The following FBXL5 variants were observed in gnomAD, a reference collection of about 807,000 sequenced individuals.
The protein encoded by FBXL5 is F-box/LRR-repeat protein 5.
A neutral mutation model predicts 78.3 loss-of-function variants in FBXL5; 26 were observed. The ratio of observed to expected loss-of-function variants is 0.33; its 90% CI spans 0.24 to 0.46. The LOEUF (loss-of-function observed/expected upper bound fraction) is 0.46, where lower values mean the gene tolerates loss of function less well. Among genes scored for constraint, FBXL5 ranks in the 20% least tolerant of loss-of-function variants. The pLI is 1.00. For synonymous variants in FBXL5, 295 were observed against 282.5 expected (o/e 1.04, Z -0.45); for missense variants, 710 against 829.2 (o/e 0.86, Z 1.77).
intron 1 of FBXL5, among the ~76,000 whole-genome samples, chr4:15,678,527 G>T (rs558674666): frequency 6.6e-6 from 1 of 152,112 alleles, no homozygotes; most frequent in Admixed American, 6.5e-5. Flanking sequence ...TCATGCATAG[G>T]TATACTAAAT....
intron 5 of FBXL5, among the ~76,000 whole-genome samples, chr4:15,633,772 T>C (rs1245199193): frequency 6.6e-6 from 1 of 152,162 alleles, no homozygotes; most frequent in African/African-American, 2.4e-5. Context: ...TATTTGTATT[T>C]GTATTTTAGT....
chr4:15,650,897 C>T lies in FBXL5; in HGVS notation c.84+4307G>A, dbSNP rs575229078. ...CCACCTGCCTCGGCCTCCCAAAGTG[C>T]TGGGATACAGGCATGAGCCACTGCA... On this transcript the variant is annotated intron_variant, in intron 1 of 10. Transcript: ENST00000341285. Among the ~76,000 whole-genome samples the T allele has an allele frequency of 4.6e-5, 7 of 152,124 alleles. No individual in the cohort carries two copies. In the South Asian group the frequency reaches 1.5e-3, roughly 32 times the overall value.
intron 1 of FBXL5, among the ~76,000 whole-genome samples, chr4:15,647,971 C>T (rs1715540579): frequency 6.6e-6 from 1 of 152,162 alleles, no homozygotes; most frequent in African/African-American, 2.4e-5. Context: ...CTCCTGCTGG[C>T]CTCAGCCTTC....
chr4:15,634,581 G>A (rs1156938636), intron 5 of FBXL5, among the ~76,000 whole-genome samples: 1 of 151,790 alleles, frequency 6.6e-6, no homozygotes. Flanking sequence ...TGGCCAGGCT[G>A]GTCTCAAACT....
intron 2 of FBXL5, among the ~76,000 whole-genome samples, chr4:15,643,147 T>C (rs1715061245): frequency 6.6e-6 from 1 of 152,196 alleles, no homozygotes; most frequent in Non-Finnish European, 1.5e-5. Flanking sequence ...TACTATCTAG[T>C]ACCCTACCCC....
In FBXL5 at chr4:15,664,899, AGCCTACAG is replaced by A. The variant is rs1717473687; in HGVS notation, c.-283-4985_-283-4978del. Among the ~76,000 whole-genome samples the A allele has an allele frequency of 2.0e-5, 3 of 152,060 alleles. No individual in the cohort carries two copies. In the South Asian group the frequency reaches 6.2e-4, roughly 32 times the overall value. Reference sequence around the variant, plus strand: ...AACCCTTATTTCTGCAGTCCCCAACAGCCTACAGGTACAAATGTCACAATATCATTAAT... The same window carrying A: ...AACCCTTATTTCTGCAGTCCCCAACAGTACAAATGTCACAATATCATTAAT... On this transcript the variant is annotated intron_variant, in intron 1 of 4. Coordinates refer to the FBXL5 transcript ENST00000507899.
chr4:15,614,806 T>G (rs1217920292), intron 9 of FBXL5, among the ~76,000 whole-genome samples: 1 of 152,142 alleles, frequency 6.6e-6, no homozygotes, highest in Admixed American at 6.5e-5. Context: ...GGGCCCCCAC[T>G]TTGGCGGCAT....
At chr4:15,642,105 T>C (rs1393903039) in intron 2 of FBXL5, among the ~76,000 whole-genome samples, 1 of 152,088 alleles carries the variant, frequency 6.6e-6, no homozygotes, top group African/African-American at 2.4e-5. Flanking sequence ...AGGTGCTCAC[T>C]ATATCTTGAA....
chr4:15,649,571 T>C (rs1577477594), intron 1 of FBXL5, among the ~76,000 whole-genome samples: 1 of 103,148 alleles, frequency 9.7e-6, no homozygotes, highest in South Asian at 3.0e-4. Flanking sequence ...AGGGCAAGAC[T>C]ACGTCTCAAA....
intron 1 of FBXL5, among the ~76,000 whole-genome samples, chr4:15,664,933 A>T (rs895429506): frequency 1.3e-5 from 2 of 152,110 alleles, no homozygotes; most frequent in African/African-American, 4.8e-5. Context: ...TATCATTAAT[A>T]TGTGAATCTT....
chr4:15,664,137 A>G (rs1229562025), upstream of FBXL5, among the ~76,000 whole-genome samples: 2 of 152,220 alleles, frequency 1.3e-5, no homozygotes, highest in East Asian at 3.8e-4. Context: ...TACTGCTTCT[A>G]GAGATTTTGG....
intron 6 of FBXL5, among the ~76,000 whole-genome samples, chr4:15,629,530 C>T (rs1014952012): frequency 6.6e-6 from 1 of 152,022 alleles, no homozygotes; most frequent in African/African-American, 2.4e-5. Flanking sequence ...TATATTTTAC[C>T]TGTATTTATT....
chr4:15,614,740 G>T (rs1711598041), intron 9 of FBXL5, among the ~76,000 whole-genome samples: 1 of 152,138 alleles, frequency 6.6e-6, no homozygotes, highest in Non-Finnish European at 1.5e-5. Context: ...ATTGAGAGGT[G>T]ACAGCACGCT....
At chr4:15,632,815 T>C (rs994276886) in intron 5 of FBXL5, among the ~76,000 whole-genome samples, 21 of 152,160 alleles carry the variant, frequency 1.4e-4, no homozygotes, top group African/African-American at 4.6e-4. Flanking sequence ...GCTGAGATGA[T>C]GGGGTTTTCC....
intron 1 of FBXL5, among the ~76,000 whole-genome samples, chr4:15,673,351 G>A (rs973976667): frequency 6.6e-6 from 1 of 152,066 alleles, no homozygotes; most frequent in African/African-American, 2.4e-5. Flanking sequence ...TGAGGTGGGA[G>A]GATCACCAGA....
intron 5 of FBXL5, among the ~76,000 whole-genome samples, chr4:15,635,447 A>G (rs10939629): frequency 0.91 from 137,962 of 152,160 alleles, 62,722 homozygotes; most frequent in African/African-American, 0.98. Context: ...AAAATTATGT[A>G]AATTTTGAAG....
intron 9 of FBXL5, among the ~76,000 whole-genome samples, chr4:15,614,476 G>A (rs556832008): frequency 2.6e-5 from 4 of 152,154 alleles, no homozygotes; most frequent in African/African-American, 9.7e-5. Flanking sequence ...GTTTGCCCTG[G>A]GGTCACCTGG....
rs150804803 is a variant in FBXL5 at position 15,625,085 on chromosome 4, T to A, written c.1850+167A>T. 1.3e-3 allele frequency among the ~76,000 whole-genome samples: 200 copies of A among 152,362 alleles called. 2 individuals carry two copies. The highest frequency in any genetic ancestry group is 4.6e-3 in the African/African-American group (190 of 41,590). On this transcript the variant is annotated intron_variant, in intron 9 of 10. Coordinates refer to ENST00000341285, the MANE Select transcript of FBXL5 (RefSeq NM_012161.4). ...AACTGACAGAAATGAAACTTCATAC[T>A]GATAACAGAAGTTACACTGCTCCAA...
At position 15,618,617 on chromosome 4, in the gene FBXL5, G is replaced by C. The variant is rs190659805; in HGVS notation, c.1851-6203C>G. On this transcript the variant is annotated intron_variant, in intron 9 of 10. Transcript: ENST00000341285. ...GCACTTTGGGAGGCCAAGGCAGGTG[G>C]ATCACCTAAAGGTCAGGAGTTCAAG... Among the ~76,000 whole-genome samples the C allele has an allele frequency of 2.5e-3, 380 of 152,292 alleles. 2 individuals are homozygous for C. The highest frequency in any genetic ancestry group is 8.8e-3 in the African/African-American group (365 of 41,558).
Sources: allele counts gnomAD v4.1 joint callset (sites outside exome capture counted in the v4.1 genomes callset), GRCh38; gene constraint gnomAD v4.1.1; transcripts MANE v1.5; gene names NCBI Gene and HGNC (gene_info 2026-07-23, HGNC 2026-07-21).